ADGRG6: variants seen among roughly 807,000 people sequenced by gnomAD.
ADGRG6 encodes the protein G-protein coupled receptor 126.
A neutral mutation model predicts 142.4 loss-of-function variants in ADGRG6; 84 were observed. The observed-to-expected ratio is 0.59, with a 90% confidence interval of 0.49 to 0.71. The LOEUF is 0.71. ADGRG6 is among the 30% of genes least tolerant of loss of function. The pLI is 0.00. For missense variants in ADGRG6, 1,367 were observed against 1,466.6 expected (o/e 0.93, Z 1.11); for synonymous variants, 521 against 520.5 (o/e 1.00, Z -0.01).
chr6:142,341,659 G>A (rs1447565062), intron 2 of ADGRG6, among the ~76,000 whole-genome samples: 2 of 131,090 alleles, frequency 1.5e-5, no homozygotes, highest in African/African-American at 5.8e-5. Flanking sequence ...ATACTATATA[G>A]TATATATAAT....
chr6:142,434,930 C>T (rs913773544), intron 22 of ADGRG6, among the ~76,000 whole-genome samples: 6 of 151,960 alleles, frequency 3.9e-5, no homozygotes, highest in African/African-American at 1.4e-4. Flanking sequence ...AAACTAAGGG[C>T]CGCTTTGAAT....
At chr6:142,356,750 T>C (rs570710105) in intron 2 of ADGRG6, among the ~76,000 whole-genome samples, 1 of 152,204 alleles carries the variant, frequency 6.6e-6, no homozygotes, top group African/African-American at 2.4e-5. Context: ...TACCTCAAGG[T>C]CACATGGTTT....
At chr6:142,319,920 T>A (rs911537465) in intron 2 of ADGRG6, among the ~76,000 whole-genome samples, 1 of 152,190 alleles carries the variant, frequency 6.6e-6, no homozygotes, top group African/African-American at 2.4e-5. Flanking sequence ...GTGCTGTAAG[T>A]AACAACTTAC....
At chr6:142,366,577 T>A (rs1780949620) in intron 2 of ADGRG6, among the ~76,000 whole-genome samples, 1 of 152,068 alleles carries the variant, frequency 6.6e-6, no homozygotes, top group Non-Finnish European at 1.5e-5. Flanking sequence ...TACCTTTAGG[T>A]CCAACACTGA....
chr6:142,326,001 G>T (rs997174730), intron 2 of ADGRG6, among the ~76,000 whole-genome samples: 3 of 151,892 alleles, frequency 2.0e-5, no homozygotes, highest in Non-Finnish European at 4.4e-5. Context: ...ATAATTTTAT[G>T]AATTATGGCA....
At chr6:142,393,104 T>C (rs1774985962) in intron 8 of ADGRG6, 104 bp downstream of exon 8, 1 of 648,126 alleles carries the variant, frequency 1.5e-6, no homozygotes, top group Non-Finnish European at 2.8e-6. Context: ...TACACACACA[T>C]AGCTACTATA....
At chr6:142,331,995 A>G (rs181375064) in intron 2 of ADGRG6, among the ~76,000 whole-genome samples, 1 of 152,318 alleles carries the variant, frequency 6.6e-6, no homozygotes, top group African/African-American at 2.4e-5. Flanking sequence ...ATAATGGGAC[A>G]ATTAAATACA....
intron 6 of ADGRG6, among the ~76,000 whole-genome samples, chr6:142,389,845 C>T (rs1000916227): frequency 1.6e-4 from 25 of 151,790 alleles, no homozygotes; most frequent in African/African-American, 4.8e-4. Context: ...TCCATATGAT[C>T]TCATTCAAGT....
intron 8 of ADGRG6, 140 bp downstream of exon 8, chr6:142,393,140 G>A (rs1583082187): frequency 3.6e-6 from 2 of 548,070 alleles, no homozygotes; most frequent in East Asian, 3.0e-5. Context: ...AAACAACTGT[G>A]TATTAGTTCA....
chr6:142,350,754 A>G (rs1259965245), intron 2 of ADGRG6, among the ~76,000 whole-genome samples: 1 of 152,234 alleles, frequency 6.6e-6, no homozygotes, highest in Admixed American at 6.5e-5. Flanking sequence ...TTCTTCTACC[A>G]TAGGAAAATT....
chr6:142,437,200 G>T (rs1195004821), intron 22 of ADGRG6, among the ~76,000 whole-genome samples: 1 of 152,130 alleles, frequency 6.6e-6, no homozygotes, highest in Admixed American at 6.5e-5. Context: ...AACAGAACAG[G>T]CAAAGACAGA....
chr6:142,327,600 A>G (rs1486017561), intron 2 of ADGRG6, among the ~76,000 whole-genome samples: 1 of 152,136 alleles, frequency 6.6e-6, no homozygotes, highest in South Asian at 2.1e-4. Context: ...CTTACCTGTC[A>G]TCATTCCACT....
At chr6:142,401,373 T>A (rs1775514938) in intron 11 of ADGRG6, among the ~76,000 whole-genome samples, 1 of 152,208 alleles carries the variant, frequency 6.6e-6, no homozygotes, top group Non-Finnish European at 1.5e-5. Context: ...TAATCTGCTT[T>A]GCAGAGTTAT....
intron 22 of ADGRG6, among the ~76,000 whole-genome samples, chr6:142,434,298 A>G (rs560155707): frequency 1.3e-5 from 2 of 151,894 alleles, no homozygotes; most frequent in South Asian, 4.2e-4. Flanking sequence ...CATACCTCTC[A>G]GAGATCAACA....
intron 4 of ADGRG6, among the ~76,000 whole-genome samples, chr6:142,380,086 T>G (rs896974033): frequency 3.3e-5 from 5 of 152,120 alleles, no homozygotes; most frequent in African/African-American, 1.2e-4. Flanking sequence ...GACAATTGAT[T>G]GAAAGAGTTA....
chr6:142,339,283 A>G (rs1190695516), intron 2 of ADGRG6, among the ~76,000 whole-genome samples: 1 of 152,232 alleles, frequency 6.6e-6, no homozygotes, highest in Non-Finnish European at 1.5e-5. Context: ...TCTACTGTCA[A>G]ATATCCACTG....
At chr6:142,417,958 G>C (rs1363691018) in intron 21 of ADGRG6, among the ~76,000 whole-genome samples, 1 of 151,964 alleles carries the variant, frequency 6.6e-6, no homozygotes. Flanking sequence ...TTCTGAAATG[G>C]GACCCATCAT....
At chr6:142,416,159 A>T (rs1235679268) in intron 20 of ADGRG6, 95 bp downstream of exon 20, 4 of 870,198 alleles carry the variant, frequency 4.6e-6, no homozygotes, top group Non-Finnish European at 7.0e-6. Context: ...AAATAGTACC[A>T]TTAAGAGGAA....
chr6:142,400,668 G>C, intron 11 of ADGRG6, 72 bp downstream of exon 11: 1 of 772,688 alleles, frequency 1.3e-6, no homozygotes, highest in Non-Finnish European at 2.3e-6. Context: ...CGTGCAGCAC[G>C]GTAGTTCTTA....
Sources: allele counts gnomAD v4.1 joint callset (sites outside exome capture counted in the v4.1 genomes callset), GRCh38; gene constraint gnomAD v4.1.1; transcripts MANE v1.5; gene names NCBI Gene and HGNC (gene_info 2026-07-23, HGNC 2026-07-21).